The following GPI variants were observed in gnomAD, a reference collection of about 807,000 sequenced individuals.
GPI encodes the protein D-hexose-6-phosphate anomerase.
A neutral mutation model predicts 75.8 loss-of-function variants in GPI; 56 were observed. The observed-to-expected ratio is 0.74, with a 90% CI of 0.60 to 0.92. The LOEUF (loss-of-function observed/expected upper bound fraction) is 0.92, where lower values mean the gene tolerates loss of function less well. GPI is among the 40% of genes least tolerant of loss of function. The probability of loss-of-function intolerance (pLI) is 0.00; values close to 1 mark genes in which losing one functional copy is unlikely to be tolerated. For synonymous variants in GPI, 288 were observed against 285.4 expected (o/e 1.01, Z -0.09); for missense variants, 638 against 741.0 (o/e 0.86, Z 1.61).
Position 34,377,719 on chromosome 19 carries a change from C to T in GPI, c.487-16C>T. 1 of 1,613,528 alleles carries T rather than the reference C, an allele frequency of 6.2e-7. No homozygotes were observed. The highest frequency in any genetic ancestry group is 8.5e-7 in the Non-Finnish European group (1 of 1,179,524). On this transcript the variant is annotated splice_polypyrimidine_tract_variant and intron_variant, in intron 5 of 17. Coordinates refer to ENST00000356487, the MANE Select transcript of GPI (RefSeq NM_000175.5). ...GGCCCTGAATTCTTATTCTCTGATG[C>T]TATGTCTCCCCGCAGGGACCCCTCA... is the stretch of plus-strand genomic sequence containing the variant.
rs769355370 is a variant in GPI, at chr19:34,366,269, A to G, written c.123-76A>G. The G allele has an allele frequency of 4.2e-6, 4 of 957,346 alleles. No homozygotes were observed. The African/African-American group carries it at 6.4e-5, about 15-fold the overall frequency. 59.3% of individuals were successfully genotyped at this position (957,346 alleles called of 1,614,324 possible). A position where few individuals can be genotyped will look rare whatever the true frequency, so the allele number is the denominator to read the frequency against. On this transcript the variant is annotated intron_variant, in intron 1 of 17. Transcript: ENST00000356487. ...GGTCAGGGAGGATGTTTCTTCTGGG[A>G]ACAGCTCCTGCTTAGGGCATGGCTC...
intron 4 of GPI, among the ~76,000 whole-genome samples, chr19:34,373,977 A>T (rs1200538444): frequency 1.3e-5 from 2 of 151,340 alleles, no homozygotes; most frequent in Non-Finnish European, 2.9e-5. Flanking sequence ...TTTTATTTTT[A>T]TTTTTTTGAG....
chr19:34,376,279 T>C (rs1447747521), intron 4 of GPI, among the ~76,000 whole-genome samples: 1 of 152,134 alleles, frequency 6.6e-6, no homozygotes, highest in African/African-American at 2.4e-5. Flanking sequence ...AAATAGGCTT[T>C]GCGTGGTGGC....
intron 14 of GPI, 67 bp from the exon 15 acceptor site, chr19:34,399,140 G>C: frequency 6.5e-7 from 1 of 1,529,288 alleles, no homozygotes. Context: ...GAAGTACCAG[G>C]CGGTCTTGTC....
At chr19:34,380,058 G>A (rs895698253) in intron 8 of GPI, among the ~76,000 whole-genome samples, 6 of 141,050 alleles carry the variant, frequency 4.3e-5, no homozygotes, top group South Asian at 2.2e-4. Flanking sequence ...GTGCAGTGGC[G>A]TGATCTTGGC....
intron 12 of GPI, 104 bp from the exon 13 acceptor site, chr19:34,396,197 C>A: frequency 7.3e-7 from 1 of 1,364,166 alleles, no homozygotes; most frequent in Non-Finnish European, 1.0e-6. Context: ...CTTGGCCTCC[C>A]AAAGTGCTGG....
chr19:34,376,910 C>T (rs570922766), intron 4 of GPI, among the ~76,000 whole-genome samples: 1 of 152,012 alleles, frequency 6.6e-6, no homozygotes, highest in African/African-American at 2.4e-5. Flanking sequence ...ATTAGCTAGG[C>T]ATGCTGGTGG....
chr19:34,382,236 C>T (rs888450759), intron 9 of GPI, among the ~76,000 whole-genome samples: 8 of 152,306 alleles, frequency 5.3e-5, no homozygotes, highest in Non-Finnish European at 7.4e-5. Context: ...AGGGCTCTAA[C>T]GCTGTGGCAG....
At chr19:34,372,325 AT>A (rs1291256221) in intron 4 of GPI, among the ~76,000 whole-genome samples, 7 of 152,088 alleles carry the variant, frequency 4.6e-5, no homozygotes, top group Non-Finnish European at 1.0e-4. Context: ...ATTGATGGAA[AT>A]TTTCCCATGG....
intron 9 of GPI, among the ~76,000 whole-genome samples, chr19:34,381,910 G>A (rs8191387): frequency 6.6e-6 from 1 of 152,174 alleles, no homozygotes; most frequent in Admixed American, 6.5e-5. Flanking sequence ...AGGTATGACC[G>A]GGTAGGCCTG....
chr19:34,361,891 C>T (rs140021240), upstream of GPI, among the ~76,000 whole-genome samples: 604 of 151,604 alleles, frequency 4.0e-3, 1 homozygote, highest in African/African-American at 0.014. Context: ...CTGAGGCAGA[C>T]GGATCACGAG....
At chr19:34,385,551 A>G (rs962303695) in intron 9 of GPI, among the ~76,000 whole-genome samples, 8 of 152,134 alleles carry the variant, frequency 5.3e-5, no homozygotes, top group South Asian at 2.1e-4. Context: ...ACAGGTGTGT[A>G]GAACAGGGTT....
chr19:34,394,013 G>A lies in GPI; in HGVS notation c.1009G>A (p.Ala337Thr), dbSNP rs1238884216. 6.8e-6 allele frequency: 11 copies of A among 1,612,730 alleles called. No individual in the cohort carries two copies. Among genetic ancestry groups the A allele is most frequent in the South Asian group, 1.1e-5 (1 of 91,064 alleles). The change falls in exon 12 of 18, where the codon GCC becomes ACC. Residue 337 changes from alanine (A) to threonine (T), a missense_variant. Coordinates refer to ENST00000356487, the MANE Select transcript of GPI (RefSeq NM_000175.5). ...CAACTGCTTTGGGTGTGAGACACACGCCATGCTGCCCTATGACCAGTACCT... is the reference window on the plus strand; with the variant it reads ...CAACTGCTTTGGGTGTGAGACACACACCATGCTGCCCTATGACCAGTACCT... ...YINCFGCETH[A>T]MLPYDQYLHR...
At chr19:34,399,877 TC>T in intron 17 of GPI, 23 bp from the exon 18 acceptor site, 2 of 1,609,616 alleles carry the variant, frequency 1.2e-6, no homozygotes, top group South Asian at 2.2e-5. Context: ...ATACCACTCT[TC>T]CCTTCCCTTC....
At chr19:34,389,563 T>C (rs1441702313) in intron 9 of GPI, among the ~76,000 whole-genome samples, 1 of 152,196 alleles carries the variant, frequency 6.6e-6, no homozygotes, top group Non-Finnish European at 1.5e-5. Context: ...TTACTAGTCT[T>C]GGACCATCCT....
chr19:34,364,676 C>G (rs1046966768), upstream of GPI: 1 of 356,392 alleles, frequency 2.8e-6, no homozygotes, highest in African/African-American at 2.1e-5. Flanking sequence ...CCGCGCCCGG[C>G]CTAGTCACTT....
chr19:34,399,527 T>C (rs2074991263), intron 15 of GPI, 29 bp from the exon 16 acceptor site: 2 of 1,610,364 alleles, frequency 1.2e-6, no homozygotes, highest in African/African-American at 1.3e-5. Context: ...CAGGACTCTC[T>C]TGGAGACATT....
rs778943515 is a variant in GPI at position 34,365,253 on chromosome 19, C to T, written c.-14C>T. On this transcript the variant is annotated 5_prime_UTR_variant, in exon 1 of 18. Transcript: ENST00000356487. ...TCGGCTCGCGTCTCACTCAGTGTAC[C>T]TTCTAGTCCCGCCATGGCCGCTCTC... 1.3e-6 allele frequency: 2 copies of T among 1,558,962 alleles called. No homozygotes were observed. The highest frequency in any genetic ancestry group is 1.2e-5 in the South Asian group (1 of 85,764).
At chr19:34,366,933 C>T in intron 3 of GPI, 82 bp downstream of exon 3, 1 of 1,020,220 alleles carries the variant, frequency 9.8e-7, no homozygotes, top group Non-Finnish European at 1.6e-6. Context: ...CACCCTGTGT[C>T]TTCACCCCTT....
Sources: gnomAD v4.1 joint callset for allele counts (sites outside exome capture counted in the v4.1 genomes callset) on GRCh38, gnomAD v4.1.1 for gene constraint, MANE v1.5 for transcripts, NCBI Gene and HGNC (gene_info 2026-07-23, HGNC 2026-07-21) for gene names.